The following CA8 variants were observed in gnomAD, a reference collection of about 807,000 sequenced individuals.
CA8 encodes the protein carbonic anhydrase 8 (inactive), also known as carbonic anhydrase-related protein.
CA8 carries 22 observed loss-of-function variants against 41.4 expected under a neutral mutation model. The observed-to-expected ratio is 0.53, with a 90% CI of 0.38 to 0.76. The LOEUF is 0.76. CA8 is among the 30% of genes least tolerant of loss of function. CA8 has a pLI of 0.00. For synonymous variants in CA8, 121 were observed against 130.6 expected (o/e 0.93, Z 0.50); for missense variants, 270 against 352.8 (o/e 0.77, Z 1.88).
intron 1 of CA8, among the ~76,000 whole-genome samples, chr8:60,280,567 G>A (rs1013544629): frequency 1.3e-5 from 2 of 152,178 alleles, no homozygotes; most frequent in African/African-American, 4.8e-5. Context: ...TGAAATTTAG[G>A]ACATGTTTTA....
chr8:60,193,227 C>A (rs957422157), intron 8 of CA8, among the ~76,000 whole-genome samples: 2 of 152,082 alleles, frequency 1.3e-5, no homozygotes, highest in Non-Finnish European at 2.9e-5. Context: ...AAATACCTAC[C>A]CATTGCCTAG....
chr8:60,260,446 G>T (rs1347105890), intron 3 of CA8, among the ~76,000 whole-genome samples: 2 of 152,190 alleles, frequency 1.3e-5, no homozygotes, highest in South Asian at 4.1e-4. Context: ...TTCTGAATGT[G>T]GGGTGCTTAC....
At chr8:60,233,370 T>C (rs1210238808) in intron 3 of CA8, among the ~76,000 whole-genome samples, 1 of 152,242 alleles carries the variant, frequency 6.6e-6, no homozygotes, top group Non-Finnish European at 1.5e-5. Flanking sequence ...TTTCCACTGC[T>C]GAATTTACCC....
chr8:60,228,798 C>T (rs1807534819), intron 4 of CA8, among the ~76,000 whole-genome samples: 1 of 152,182 alleles, frequency 6.6e-6, no homozygotes, highest in Non-Finnish European at 1.5e-5. Context: ...TATAGTAGCT[C>T]TTAACGACTA....
At chr8:60,251,121 A>C (rs1351623473) in intron 3 of CA8, among the ~76,000 whole-genome samples, 10 of 152,210 alleles carry the variant, frequency 6.6e-5, no homozygotes, top group Non-Finnish European at 2.9e-5. Flanking sequence ...GGTTGGCCTC[A>C]CAGATTATCT....
intron 7 of CA8, among the ~76,000 whole-genome samples, chr8:60,210,568 G>C (rs1020625039): frequency 6.6e-6 from 1 of 151,586 alleles, no homozygotes; most frequent in Non-Finnish European, 1.5e-5. Flanking sequence ...AAAATTAAAC[G>C]GATAGTTCAA....
chr8:60,279,582 G>C (rs988044593), intron 2 of CA8, 107 bp downstream of exon 2: 2 of 946,038 alleles, frequency 2.1e-6, no homozygotes, highest in Non-Finnish European at 3.4e-6. Flanking sequence ...CCTGAAAATA[G>C]AGATACGTCA....
Position 60,241,022 on chromosome 8 carries a change from T to C in CA8, c.418-8643A>G, listed in dbSNP as rs188027556. On this transcript the variant is annotated intron_variant, in intron 3 of 8. Coordinates refer to ENST00000317995, the MANE Select transcript of CA8 (RefSeq NM_004056.6). ...GTCACAAAATGGGTCATTAAATAAC[T>C]GAGAAATAGTTAACAGAGAAAGCAC... Among the ~76,000 whole-genome samples the C allele has an allele frequency of 1.2e-3, 176 of 152,298 alleles. 1 individual carries two copies. The highest frequency in any genetic ancestry group is 3.3e-3 in the African/African-American group (139 of 41,574).
intron 8 of CA8, 145 bp from the exon 9 acceptor site, chr8:60,190,130 G>C (rs977966970): frequency 6.6e-6 from 1 of 151,740 alleles, no homozygotes; most frequent in African/African-American, 2.4e-5. Context: ...ATATCTTTGT[G>C]CTCAAGTTTG....
intron 8 of CA8, among the ~76,000 whole-genome samples, chr8:60,204,407 T>C (rs1004187407): frequency 2.6e-5 from 4 of 152,314 alleles, no homozygotes; most frequent in African/African-American, 7.2e-5. Flanking sequence ...TTTTAATTCA[T>C]AGTGGGAGGA....
At chr8:60,238,878 C>T (rs1011057936) in intron 3 of CA8, among the ~76,000 whole-genome samples, 8 of 152,070 alleles carry the variant, frequency 5.3e-5, no homozygotes, top group African/African-American at 1.9e-4. Context: ...GACACCCAGA[C>T]AAATCCTACC....
chr8:60,202,432 T>C (rs924818317), intron 8 of CA8, among the ~76,000 whole-genome samples: 1 of 152,132 alleles, frequency 6.6e-6, no homozygotes, highest in Admixed American at 6.5e-5. Context: ...ATGAGACATA[T>C]ATGAACCGCA....
At chr8:60,228,074 TTC>T (rs575558415) in intron 4 of CA8, among the ~76,000 whole-genome samples, 200 of 152,308 alleles carry the variant, frequency 1.3e-3, no homozygotes, top group Non-Finnish European at 2.2e-3. Flanking sequence ...TATGTTTACA[TTC>T]TCTGTTTCTC....
chr8:60,236,756 T>A (rs1039065816), intron 3 of CA8, among the ~76,000 whole-genome samples: 2 of 152,234 alleles, frequency 1.3e-5, no homozygotes, highest in African/African-American at 4.8e-5. Context: ...AAATACATAA[T>A]ATAAATACAT....
intron 8 of CA8, among the ~76,000 whole-genome samples, chr8:60,197,095 G>A (rs961225181): frequency 7.9e-5 from 12 of 152,192 alleles, no homozygotes; most frequent in Admixed American, 7.9e-4. Context: ...CTTGGGAAAA[G>A]CAATCTGCAT....
chr8:60,256,307 C>T (rs570587400), intron 3 of CA8, among the ~76,000 whole-genome samples: 2 of 152,286 alleles, frequency 1.3e-5, no homozygotes, highest in African/African-American at 4.8e-5. Flanking sequence ...GTTAAACAGT[C>T]AGAAAACAAA....
chr8:60,185,827 C>T lies in CA8; in HGVS notation c.*4194G>A, dbSNP rs912806570. Among the ~76,000 whole-genome samples, 1 of 151,432 alleles carries T rather than the reference C, an allele frequency of 6.6e-6. No individual in the cohort carries two copies. The highest frequency in any genetic ancestry group is 2.4e-5 in the African/African-American group (1 of 41,190). On this transcript the variant is annotated 3_prime_UTR_variant, in exon 9 of 9. Coordinates refer to ENST00000317995, the MANE Select transcript of CA8 (RefSeq NM_004056.6). ...GGACTTCTGCCTGGAATGAAGTGAC[C>T]CCAGATACTAATTTGAATCCATTCC...
In CA8 at chr8:60,226,072, T is replaced by C. The variant is rs117367836; in HGVS notation, c.576+801A>G. Among the ~76,000 whole-genome samples, 727 of 152,346 alleles carry C rather than the reference T, an allele frequency of 4.8e-3. 7 individuals are homozygous for C. The highest frequency in any genetic ancestry group is 4.3e-3 in the Non-Finnish European group (290 of 68,032). On this transcript the variant is annotated intron_variant, in intron 5 of 8. Coordinates refer to ENST00000317995, the MANE Select transcript of CA8 (RefSeq NM_004056.6). ...TTCTCTTGGATATTATCTTACCACA[T>C]ATGTGTACTTGTTTTCTTTTTTTAA... is the stretch of plus-strand genomic sequence containing the variant.
chr8:60,207,056 T>G (rs1455031530), intron 8 of CA8, among the ~76,000 whole-genome samples: 2 of 152,198 alleles, frequency 1.3e-5, no homozygotes, highest in Non-Finnish European at 2.9e-5. Flanking sequence ...TCCCTTCCTA[T>G]GGCCTTTAGC....
Sources: gnomAD v4.1 joint callset for allele counts (sites outside exome capture counted in the v4.1 genomes callset) on GRCh38, gnomAD v4.1.1 for gene constraint, MANE v1.5 for transcripts, NCBI Gene and HGNC (gene_info 2026-07-23, HGNC 2026-07-21) for gene names.